RRP12: variants seen among roughly 807,000 people sequenced by gnomAD.
RRP12 encodes ribosomal RNA processing 12 homolog.
RRP12 carries 78 observed loss-of-function variants against 157.3 expected under a neutral mutation model. The observed-to-expected ratio is 0.50, with a 90% CI of 0.41 to 0.60. The LOEUF is 0.60. Ranked by LOEUF, RRP12 falls within the 20% of genes least tolerant of loss-of-function variation. The pLI, the probability that RRP12 is intolerant of heterozygous loss-of-function variation, is 0.00. For missense variants in RRP12, 1,521 were observed against 1,679.9 expected (o/e 0.91, Z 1.65); for synonymous variants, 726 against 670.9 (o/e 1.08, Z -1.27).
intron 29 of RRP12, among the ~76,000 whole-genome samples, 184 bp from the exon 30 acceptor site, chr10:97,364,087 C>G (rs1205287263): frequency 2.6e-5 from 4 of 152,204 alleles, no homozygotes; most frequent in Non-Finnish European, 5.9e-5. Flanking sequence ...CTGCCCCTTT[C>G]TCCTTCCCAC....
chr10:97,401,344 G>T, upstream of RRP12: 1 of 1,356,408 alleles, frequency 7.4e-7, no homozygotes, highest in Non-Finnish European at 1.0e-6. Context: ...TTCTTCTGGC[G>T]TCACTTCCGG....
Position 97,372,161 on chromosome 10 carries a change from G to A in RRP12, c.2255C>T (p.Ser752Phe), listed in dbSNP as rs1844175275. 6.2e-7 allele frequency: 1 copy of A among 1,613,062 alleles called. No homozygotes were observed. Among genetic ancestry groups the A allele is most frequent in the African/African-American group, 1.3e-5 (1 of 75,036 alleles). ...CAAGGCCACGACCAGGTCCAGGACA[G>A]ACAATCTGCTCGGGGCAGGAGGACA... ...DPASSDFTRL[S>F]VLDLVVALAP... Residue 752 changes from serine (S) to phenylalanine (F), a missense_variant, in exon 20 of 34, where the codon TCT becomes TTT. Physicochemically the swap from Ser to Phe is radical, Grantham distance 155. Coordinates refer to ENST00000370992, the MANE Select transcript of RRP12 (RefSeq NM_015179.4).
At chr10:97,384,967 C>G (rs1340074565) in intron 10 of RRP12, among the ~76,000 whole-genome samples, 199 bp downstream of exon 10, 1 of 131,590 alleles carries the variant, frequency 7.6e-6, no homozygotes, top group African/African-American at 2.8e-5. Context: ...GAGGACCCCC[C>G]ACCTCAGCAG....
chr10:97,365,284 T>G (rs1433000655), intron 29 of RRP12, among the ~76,000 whole-genome samples: 3 of 149,928 alleles, frequency 2.0e-5, no homozygotes, highest in Admixed American at 1.3e-4. Context: ...TTTTTTTTTT[T>G]TTTTTTTGAG....
chr10:97,400,394 T>C lies in RRP12; in HGVS notation c.280A>G (p.Thr94Ala). 6.2e-7 allele frequency: 1 copy of C among 1,613,932 alleles called. No homozygotes were observed. The highest frequency in any genetic ancestry group is 8.5e-7 in the Non-Finnish European group (1 of 1,179,996). Residue 94 changes from threonine to alanine, a missense_variant, in exon 2 of 34, where the codon ACC (threonine) becomes GCC (alanine). Coordinates refer to ENST00000370992, the MANE Select transcript of RRP12 (RefSeq NM_015179.4). ...CAGTCGGAAAGGCCACTCAGGAAGG[T>C]ACCCGAGGACTTCTCGGTGAGAACC... is the stretch of plus-strand genomic sequence containing the variant. Reference protein sequence around the residue: ...ELVLTEKSSGTFLSGLSDCTN... With the variant: ...ELVLTEKSSGAFLSGLSDCTN...
chr10:97,358,404 A>G (rs926765996), intron 33 of RRP12, 133 bp downstream of exon 33: 1 of 697,452 alleles, frequency 1.4e-6, no homozygotes. Flanking sequence ...ATATAGGTGC[A>G]TGTTAAAAAA....
At position 97,381,373 on chromosome 10, in the gene RRP12, C is replaced by T. The variant is rs1213335585; in HGVS notation, c.1418+13G>A. 1.3e-6 allele frequency: 2 copies of T among 1,587,772 alleles called. No individual in the cohort carries two copies. Among genetic ancestry groups the T allele is most frequent in the African/African-American group, 1.4e-5 (1 of 73,940 alleles). ...ACCACCATCCCTTCCTAACATGGAC[C>T]CCATATCCTCACCTGAACATCTTGG... On this transcript the variant is annotated intron_variant, in intron 12 of 33. Coordinates refer to ENST00000370992, the MANE Select transcript of RRP12 (RefSeq NM_015179.4).
chr10:97,382,835 T>C (rs6584125), intron 10 of RRP12, among the ~76,000 whole-genome samples: 143,646 of 151,814 alleles, frequency 0.95, 68,115 homozygotes, highest in Non-Finnish European at 0.98. Context: ...GATCTCAGTT[T>C]ACTGCAACCT....
rs933800173 is a variant in RRP12 at position 97,363,994 on chromosome 10, G to A, written c.3518-91C>T. 6.5e-5 allele frequency: 74 copies of A among 1,145,604 alleles called. 1 individual carries two copies. The highest frequency in any genetic ancestry group is 8.6e-5 in the Non-Finnish European group (65 of 754,056). The allele number at this position is 1,145,604 out of a possible 1,614,324, so 71.0% of individuals were successfully genotyped here. A position where few individuals can be genotyped will look rare whatever the true frequency, so the allele number is the denominator to read the frequency against. On this transcript the variant is annotated intron_variant, in intron 29 of 33. Coordinates refer to ENST00000370992, the MANE Select transcript of RRP12 (RefSeq NM_015179.4). ...GCCCCCTCCTGGCTCACCAGGCTGC[G>A]GGGCCACCAACTCCGGCCCCAGAAA...
rs776747058 is a variant in RRP12 at position 97,401,271 on chromosome 10, G to C, written c.-40C>G. The C allele has an allele frequency of 2.5e-6, 4 of 1,611,572 alleles. No homozygotes were observed. Among genetic ancestry groups the C allele is most frequent in the Non-Finnish European group, 3.4e-6 (4 of 1,178,060 alleles). ...GGCGAGGAATGAGCTTAAATGACCG[G>C]CTTCCAGGGACGTAGAAACACGCTC... On this transcript the variant is annotated 5_prime_UTR_variant, in exon 1 of 34. Transcript: ENST00000370992.
intron 30 of RRP12, among the ~76,000 whole-genome samples, chr10:97,363,554 G>A (rs1843896256): frequency 6.6e-6 from 1 of 152,172 alleles, no homozygotes; most frequent in Non-Finnish European, 1.5e-5. Context: ...CCCCTACGGT[G>A]GATGCCCCCA....
At chr10:97,366,011 G>A in intron 29 of RRP12, 97 bp downstream of exon 29, 2 of 1,506,450 alleles carry the variant, frequency 1.3e-6, no homozygotes, top group East Asian at 2.3e-5. Context: ...CGAGAGAAGA[G>A]TTTCTCTGGT....
In RRP12 at chr10:97,373,750, G is replaced by A; in HGVS notation, c.1864-13C>T. On this transcript the variant is annotated splice_polypyrimidine_tract_variant and intron_variant, in intron 16 of 33. Coordinates refer to ENST00000370992, the MANE Select transcript of RRP12 (RefSeq NM_015179.4). The stretch of plus-strand genomic sequence containing the variant: ...GGAGTGTCCACATCTGGAGAAGGAG[G>A]GGACAATAAAGGAAGGTGACACGCA... 1 of 1,612,288 alleles carries A rather than the reference G, an allele frequency of 6.2e-7. No individual in the cohort carries two copies. Among genetic ancestry groups the A allele is most frequent in the Non-Finnish European group, 8.5e-7 (1 of 1,178,538 alleles).
At position 97,366,763 on chromosome 10, in the gene RRP12, G is replaced by GGCT; in HGVS notation, c.3191_3193dup (p.Glu1064_Pro1065insGln). The GGCT allele has an allele frequency of 6.2e-7, 1 of 1,612,096 alleles. No individual in the cohort carries two copies. Among genetic ancestry groups the GGCT allele is most frequent in the Non-Finnish European group, 8.5e-7 (1 of 1,179,788 alleles). On this transcript the variant is annotated inframe_insertion, in exon 27 of 34. Transcript: ENST00000370992. ...TCACCTGTCACCTTTGCCCTGGGCG[G>GGCT]GCTCCTCCTCCTCCTCCTCCTCTTC...
intron 3 of RRP12, among the ~76,000 whole-genome samples, chr10:97,395,945 G>A (rs980558719): frequency 2.6e-5 from 4 of 151,510 alleles, no homozygotes; most frequent in African/African-American, 7.3e-5. Context: ...ATGACAAGAC[G>A]GTTTGAGCCC....
chr10:97,370,092 G>A (rs924360715), intron 24 of RRP12, 75 bp downstream of exon 24: 18 of 1,027,782 alleles, frequency 1.8e-5, no homozygotes, highest in Non-Finnish European at 2.6e-5. Flanking sequence ...AGTTCCAGGA[G>A]CCACTTTATC....
intron 6 of RRP12, 57 bp from the exon 7 acceptor site, chr10:97,388,681 G>C: frequency 6.3e-7 from 1 of 1,593,730 alleles, no homozygotes; most frequent in Non-Finnish European, 8.6e-7. Flanking sequence ...CAGCATCTTG[G>C]GTGTCCGGCA....
rs368068085 is a variant in RRP12, at chr10:97,393,905, T to C, written c.454-145A>G. 33 of 637,850 alleles carry C rather than the reference T, an allele frequency of 5.2e-5. No homozygotes were observed. The East Asian group carries it at 8.5e-4, about 16-fold the overall frequency. The allele number at this position is 637,850 out of a possible 1,614,324, so 39.5% of individuals were successfully genotyped here. On this transcript the variant is annotated intron_variant, in intron 3 of 33. Coordinates refer to ENST00000370992, the MANE Select transcript of RRP12 (RefSeq NM_015179.4). ...TTCAGATCCTGACTCTGGCATTGTG[T>C]GGTTTTGGGCTAGTAATTTAACCTA...
chr10:97,364,774 T>A (rs1843928893), intron 29 of RRP12, among the ~76,000 whole-genome samples: 1 of 150,850 alleles, frequency 6.6e-6, no homozygotes, highest in Non-Finnish European at 1.5e-5. Flanking sequence ...TTGGCAGGAG[T>A]TCTGGGGGAA....
Sources: allele counts gnomAD v4.1 joint callset (sites outside exome capture counted in the v4.1 genomes callset), GRCh38; gene constraint gnomAD v4.1.1; transcripts MANE v1.5; gene names NCBI Gene and HGNC (gene_info 2026-07-23, HGNC 2026-07-21).